Variants in ZNF385D observed in about 807,000 individuals in gnomAD.
ZNF385D encodes zinc finger protein 659.
ZNF385D carries 15 observed loss-of-function variants against 35.8 expected under a neutral mutation model. The ratio of observed to expected loss-of-function variants is 0.42; its 90% CI spans 0.28 to 0.64. ZNF385D has a LOEUF of 0.64. Ranked by LOEUF, ZNF385D falls within the 30% of genes least tolerant of loss-of-function variation. The pLI, the probability that ZNF385D is intolerant of heterozygous loss-of-function variation, is 0.23. For missense variants in ZNF385D, 474 were observed against 494.6 expected (o/e 0.96, Z 0.39); for synonymous variants, 212 against 186.8 (o/e 1.13, Z -1.10).
rs563005147 is a variant in ZNF385D at position 22,140,347 on chromosome 3, T to C, written c.325+28470A>G. On this transcript the variant is annotated intron_variant, in intron 3 of 5. Transcript: ENST00000494108. ...AGAATAACATTATATGCTGTGTGGT[T>C]CTATTTATACAACATTTTCAAAATG... is the stretch of plus-strand genomic sequence containing the variant. 4.6e-5 allele frequency among the ~76,000 whole-genome samples: 7 copies of C among 152,304 alleles called. No homozygotes were observed. In the East Asian group the frequency reaches 1.2e-3, roughly 25 times the overall value.
chr3:21,990,191 C>T (rs886600868), intron 3 of ZNF385D, among the ~76,000 whole-genome samples: 1 of 152,164 alleles, frequency 6.6e-6, no homozygotes, highest in Non-Finnish European at 1.5e-5. Flanking sequence ...AGAAGAATCT[C>T]TAAGCTAAAA....
Position 21,839,708 on chromosome 3 carries a change from A to G in ZNF385D, c.326-174680T>C, listed in dbSNP as rs181042735. Among the ~76,000 whole-genome samples, 633 of 152,180 alleles carry G rather than the reference A, an allele frequency of 4.2e-3. 7 individuals carry two copies. Among genetic ancestry groups the G allele is most frequent in the African/African-American group, 0.014 (590 of 41,544 alleles). ...TTCACTTTAAGACTCAGCTGACAGA[A>G]CAGCCATTATTTGGAACATTTCCCA... On this transcript the variant is annotated intron_variant, in intron 3 of 5. Coordinates refer to the ZNF385D transcript ENST00000494108.
At position 21,764,663 on chromosome 3, in the gene ZNF385D, G is replaced by A. The variant is rs1045865770; in HGVS notation, c.326-99635C>T. Reference sequence around the variant, plus strand: ...TTAGCTGTCATGGAAGCTGAGCATTGAATACAAGAATGAAAACTAAACAGT... The same window carrying A: ...TTAGCTGTCATGGAAGCTGAGCATTAAATACAAGAATGAAAACTAAACAGT... On this transcript the variant is annotated intron_variant, in intron 3 of 5. Transcript: ENST00000494108. Among the ~76,000 whole-genome samples, 4 of 152,106 alleles carry A rather than the reference G, an allele frequency of 2.6e-5. No individual in the cohort carries two copies. The South Asian group carries it at 6.2e-4, about 24-fold the overall frequency.
At chr3:22,331,474 A>T (rs1224984764) in intron 2 of ZNF385D, among the ~76,000 whole-genome samples, 1 of 152,202 alleles carries the variant, frequency 6.6e-6, no homozygotes, top group Non-Finnish European at 1.5e-5. Flanking sequence ...CATAACATTA[A>T]TGAAAACTTA....
intron 3 of ZNF385D, among the ~76,000 whole-genome samples, chr3:22,158,290 T>G (rs943820682): frequency 3.9e-5 from 6 of 152,086 alleles, no homozygotes; most frequent in African/African-American, 1.4e-4. Context: ...CACCTTTAAG[T>G]CTACTTCAGA....
chr3:22,272,251 C>T (rs990484991), intron 2 of ZNF385D, among the ~76,000 whole-genome samples: 1 of 152,014 alleles, frequency 6.6e-6, no homozygotes, highest in African/African-American at 2.4e-5. Context: ...GCATTTTTAA[C>T]TTGCAATATT....
intron 3 of ZNF385D, among the ~76,000 whole-genome samples, chr3:21,939,450 A>G (rs1701413493): frequency 6.6e-6 from 1 of 151,672 alleles, no homozygotes; most frequent in African/African-American, 2.4e-5. Context: ...GAAAGAATTT[A>G]GGCCTCTAAA....
intron 3 of ZNF385D, among the ~76,000 whole-genome samples, chr3:21,783,357 G>C: frequency 6.6e-6 from 1 of 152,128 alleles, no homozygotes; most frequent in East Asian, 1.9e-4. Context: ...CAGTGGAACA[G>C]AGGGAAAAAG....
chr3:21,436,037 A>G (rs1701534452), intron 5 of ZNF385D, among the ~76,000 whole-genome samples: 1 of 152,162 alleles, frequency 6.6e-6, no homozygotes, highest in Admixed American at 6.5e-5. Flanking sequence ...TTTTTCTATT[A>G]TAGTTGCTGA....
chr3:21,748,688 TGGCCA>T (rs1438098761), intron 1 of ZNF385D, among the ~76,000 whole-genome samples: 4 of 152,174 alleles, frequency 2.6e-5, no homozygotes, highest in Non-Finnish European at 5.9e-5. Context: ...AAGAAAGTAA[TGGCCA>T]ACCAATTTGC....
Position 21,646,303 on chromosome 3 carries a change from T to A in ZNF385D, c.165+18583A>T, listed in dbSNP as rs115344090. Among the ~76,000 whole-genome samples the A allele has an allele frequency of 3.0e-3, 451 of 152,284 alleles. 2 individuals carry two copies. The highest frequency in any genetic ancestry group is 0.01 in the African/African-American group (423 of 41,570). ...TGGACCTGCTTATTTGTGATTGCGC[T>A]TATTACTGTATGTACATCTCACAGT... On this transcript the variant is annotated intron_variant, in intron 2 of 7. Transcript: ENST00000281523. This position sits in a 1 kb window ranked among gnomAD's most constrained non-coding sequence, Gnocchi z 4.3.
chr3:21,693,882 CTTTTTTTTTT>C (rs555946193), intron 1 of ZNF385D, among the ~76,000 whole-genome samples: 8 of 118,394 alleles, frequency 6.8e-5, no homozygotes, highest in Admixed American at 5.3e-4. Flanking sequence ...CTTTTTTTTT[CTTTTTTTTTT>C]TTTTTTGAGA....
At chr3:21,953,083 A>G (rs890953758) in intron 3 of ZNF385D, among the ~76,000 whole-genome samples, 4 of 151,864 alleles carry the variant, frequency 2.6e-5, no homozygotes, top group Admixed American at 1.3e-4. Context: ...AACTACCACA[A>G]TTGTCAAACC....
chr3:21,445,212 T>G (rs758614264), intron 4 of ZNF385D, among the ~76,000 whole-genome samples: 4 of 152,194 alleles, frequency 2.6e-5, no homozygotes, highest in Admixed American at 6.5e-5. Context: ...GTATATTCTC[T>G]CTAGACAATG....
chr3:22,311,282 G>C (rs953960676), intron 2 of ZNF385D, among the ~76,000 whole-genome samples: 3 of 151,872 alleles, frequency 2.0e-5, no homozygotes, highest in African/African-American at 4.8e-5. Flanking sequence ...AAATGATACA[G>C]AGTGAAACAC....
chr3:21,983,285 G>A (rs1694610776), intron 3 of ZNF385D, among the ~76,000 whole-genome samples: 1 of 139,806 alleles, frequency 7.2e-6, no homozygotes, highest in South Asian at 2.5e-4. Context: ...TCTAGCATTA[G>A]GTATATCTCC....
At chr3:21,627,823 G>T (rs893717379) in intron 2 of ZNF385D, among the ~76,000 whole-genome samples, 9 of 152,070 alleles carry the variant, frequency 5.9e-5, no homozygotes, top group Non-Finnish European at 1.2e-4. Flanking sequence ...CACTTATAAG[G>T]AAAGAGGTCT....
At chr3:22,059,760 T>C (rs1699597837) in intron 3 of ZNF385D, among the ~76,000 whole-genome samples, 1 of 152,180 alleles carries the variant, frequency 6.6e-6, no homozygotes, top group African/African-American at 2.4e-5. Flanking sequence ...CCATAATAGA[T>C]GCTTGTGAGG....
chr3:22,233,975 G>A (rs1228946958), intron 2 of ZNF385D, among the ~76,000 whole-genome samples: 2 of 151,978 alleles, frequency 1.3e-5, no homozygotes, highest in Non-Finnish European at 2.9e-5. Context: ...CTGCAACCCA[G>A]AGTTCTACCT....
Sources: gnomAD v4.1 joint callset for allele counts (sites outside exome capture counted in the v4.1 genomes callset) on GRCh38, gnomAD v4.1.1 for gene constraint, Gnocchi (gnomAD v3.1) non-coding constraint, MANE v1.5 for transcripts, NCBI Gene and HGNC (gene_info 2026-07-23, HGNC 2026-07-21) for gene names.